The following SLC14A2 variants were observed in gnomAD, a reference collection of about 807,000 sequenced individuals.
SLC14A2 encodes the protein solute carrier family 14 member 2.
Under a neutral mutation model 104.6 loss-of-function variants are expected in SLC14A2, and 91 were observed. The observed-to-expected ratio is 0.87, with a 90% CI of 0.73 to 1.04. SLC14A2 has a LOEUF of 1.04. Among genes scored for constraint, SLC14A2 ranks in the 50% least tolerant of loss-of-function variants. The probability of loss-of-function intolerance (pLI) is 0.00; values close to 1 mark genes in which losing one functional copy is unlikely to be tolerated. For synonymous variants in SLC14A2, 476 were observed against 466.4 expected, an observed-to-expected ratio of 1.02 and a Z score of -0.27; for missense variants, 1,189 against 1,156.0, an observed-to-expected ratio of 1.03 and a Z score of -0.41.
intron 1 of SLC14A2, among the ~76,000 whole-genome samples, chr18:45,380,447 G>T (rs2085822683): frequency 6.6e-6 from 1 of 152,166 alleles, no homozygotes; most frequent in African/African-American, 2.4e-5. Context: ...ATGGGGAAGG[G>T]TCTAAGGAAA....
intron 1 of SLC14A2, among the ~76,000 whole-genome samples, chr18:45,451,756 C>T (rs753941021): frequency 5.3e-5 from 8 of 152,164 alleles, no homozygotes; most frequent in Non-Finnish European, 1.2e-4. Flanking sequence ...AAGATATTTA[C>T]ACCAGATGAC....
intron 1 of SLC14A2, among the ~76,000 whole-genome samples, chr18:45,309,119 C>T (rs2085052908): frequency 6.6e-6 from 1 of 152,148 alleles, no homozygotes; most frequent in Non-Finnish European, 1.5e-5. Flanking sequence ...CTGCCTTTCT[C>T]TATGCCAAGG....
At chr18:45,299,278 T>G (rs1292478667) in intron 1 of SLC14A2, among the ~76,000 whole-genome samples, 3 of 152,224 alleles carry the variant, frequency 2.0e-5, no homozygotes, top group African/African-American at 7.2e-5. Context: ...AAGTTTCTAA[T>G]GTTCTATGTA....
chr18:45,606,864 A>G (rs989942486), intron 2 of SLC14A2, among the ~76,000 whole-genome samples: 2 of 152,014 alleles, frequency 1.3e-5, no homozygotes, highest in Non-Finnish European at 2.9e-5. Context: ...TGAGCAAGCC[A>G]GGCTCAGGTT....
chr18:45,558,562 A>G (rs2044161549), intron 2 of SLC14A2, among the ~76,000 whole-genome samples: 1 of 152,176 alleles, frequency 6.6e-6, no homozygotes, highest in Non-Finnish European at 1.5e-5. Flanking sequence ...GCATCACCAC[A>G]GGTGTTGTGT....
At chr18:45,672,234 T>TAA (rs371834929) in intron 16 of SLC14A2, among the ~76,000 whole-genome samples, 1 of 151,514 alleles carries the variant, frequency 6.6e-6, no homozygotes, top group Admixed American at 6.6e-5. Flanking sequence ...TTTTTAGCTT[T>TAA]AAAAAAAAAT....
upstream of SLC14A2, among the ~76,000 whole-genome samples, chr18:45,209,039 AAAC>A (rs1309095326): frequency 2.7e-5 from 4 of 149,996 alleles, no homozygotes; most frequent in Admixed American, 1.3e-4. Context: ...AAAAAAAAAA[AAAC>A]AACAACAACT....
intron 1 of SLC14A2, among the ~76,000 whole-genome samples, chr18:45,339,297 C>T (rs1033073361): frequency 1.2e-4 from 19 of 152,140 alleles, no homozygotes; most frequent in Non-Finnish European, 2.8e-4. Context: ...GACAAGACTG[C>T]CTGTACAACA....
At chr18:45,260,075 C>A (rs541272486) in intron 1 of SLC14A2, among the ~76,000 whole-genome samples, 1 of 152,306 alleles carries the variant, frequency 6.6e-6, no homozygotes, top group Non-Finnish European at 1.5e-5. Flanking sequence ...AGAGAATTTT[C>A]TATTTTCCAA....
At chr18:45,225,973 G>GA (rs2144006914) in intron 1 of SLC14A2, among the ~76,000 whole-genome samples, 1 of 152,172 alleles carries the variant, frequency 6.6e-6, no homozygotes, top group South Asian at 2.1e-4. Context: ...AAATTTACAA[G>GA]AAAAAATGAA....
At chr18:45,544,747 A>G (rs1041608390) in intron 2 of SLC14A2, among the ~76,000 whole-genome samples, 2 of 146,156 alleles carry the variant, frequency 1.4e-5, no homozygotes, top group African/African-American at 5.1e-5. Flanking sequence ...TATTATAAAT[A>G]TGTATTCATG....
intron 1 of SLC14A2, among the ~76,000 whole-genome samples, chr18:45,443,219 G>A (rs2086708909): frequency 6.6e-6 from 1 of 152,194 alleles, no homozygotes; most frequent in African/African-American, 2.4e-5. Context: ...AAACTAATAG[G>A]AGAAGAGGCA....
At chr18:45,491,769 G>GCA (rs377198653) in intron 2 of SLC14A2, among the ~76,000 whole-genome samples, 3 of 151,808 alleles carry the variant, frequency 2.0e-5, no homozygotes, top group African/African-American at 4.8e-5. Context: ...GTCTGCTCAT[G>GCA]CACACACACA....
intron 10 of SLC14A2, among the ~76,000 whole-genome samples, chr18:45,660,126 G>A (rs1337726549): frequency 6.6e-6 from 1 of 152,056 alleles, no homozygotes; most frequent in Admixed American, 6.5e-5. Flanking sequence ...AAGCAAGATC[G>A]TGTCTCAAAA....
chr18:45,179,568 A>G, the SLC14A2 span, among the ~76,000 whole-genome samples: 2 of 152,210 alleles, frequency 1.3e-5, no homozygotes, highest in African/African-American at 4.8e-5. Context: ...AAATTCTCCT[A>G]AACATCCAGC....
upstream of SLC14A2, among the ~76,000 whole-genome samples, chr18:45,611,568 T>C (rs992962522): frequency 2.0e-5 from 3 of 152,160 alleles, no homozygotes; most frequent in African/African-American, 4.8e-5. Flanking sequence ...TTTATACACA[T>C]TGAATCCAAA....
At chr18:45,590,737 C>T (rs1682393) in intron 2 of SLC14A2, among the ~76,000 whole-genome samples, 8 of 152,248 alleles carry the variant, frequency 5.3e-5, no homozygotes, top group African/African-American at 1.9e-4. Flanking sequence ...TCTGACCCAG[C>T]TGCCAGGGAC....
chr18:45,644,213 T>TC lies in SLC14A2; in HGVS notation c.1351+56dup, dbSNP rs757072548. The TC allele has an allele frequency of 2.5e-5, 40 of 1,571,032 alleles. No individual in the cohort carries two copies. The East Asian group carries it at 8.5e-4, about 33-fold the overall frequency. On this transcript the variant is annotated intron_variant, in intron 10 of 19. Coordinates refer to ENST00000255226, the MANE Select transcript of SLC14A2 (RefSeq NM_007163.4). Reference sequence around the variant, plus strand: ...GCTCTTTGCCTGACCTGATGTCCTCTCCCTGTGTTCTCTGCTCTGGTTCAA... The same window carrying TC: ...GCTCTTTGCCTGACCTGATGTCCTCTCCCCTGTGTTCTCTGCTCTGGTTCAA...
intron 1 of SLC14A2, among the ~76,000 whole-genome samples, chr18:45,346,974 A>AAT (rs1317413261): frequency 6.5e-5 from 7 of 108,260 alleles, no homozygotes; most frequent in African/African-American, 4.1e-4. Context: ...AATAAAAATA[A>AAT]AAATAAAAAT....
Sources: gnomAD v4.1 joint callset for allele counts (sites outside exome capture counted in the v4.1 genomes callset) on GRCh38, gnomAD v4.1.1 for gene constraint, MANE v1.5 for transcripts, NCBI Gene and HGNC (gene_info 2026-07-23, HGNC 2026-07-21) for gene names.